HINFP: variants seen among roughly 807,000 people sequenced by gnomAD.
The protein encoded by HINFP is histone H4 transcription factor, also known as MBD2 (methyl-CpG-binding protein)-interacting zinc finger protein.
Under a neutral mutation model 50.1 loss-of-function variants are expected in HINFP, and 20 were observed. That is an observed-to-expected ratio of 0.40 (90% confidence interval 0.28 to 0.58). The LOEUF is 0.58. Among genes scored for constraint, HINFP ranks in the 20% least tolerant of loss-of-function variants. The pLI is 0.45. For synonymous variants in HINFP, 247 were observed against 243.7 expected (o/e 1.01, Z -0.13); for missense variants, 505 against 664.1 (o/e 0.76, Z 2.63).
intron 1 of HINFP, among the ~76,000 whole-genome samples, chr11:119,122,787 G>T (rs1364763159): frequency 6.6e-6 from 1 of 152,116 alleles, no homozygotes; most frequent in African/African-American, 2.4e-5. Flanking sequence ...TGGGAAGGGG[G>T]TCATCAAAGA....
intron 1 of HINFP, chr11:119,124,902 G>T (rs1947298927): frequency 6.6e-6 from 1 of 151,988 alleles, no homozygotes; most frequent in South Asian, 2.1e-4. Context: ...AACCCGGCAG[G>T]TGGAGGTTGC....
At chr11:119,127,828 A>G (rs1016815653) in intron 2 of HINFP, among the ~76,000 whole-genome samples, 1 of 148,962 alleles carries the variant, frequency 6.7e-6, no homozygotes, top group Non-Finnish European at 1.5e-5. Flanking sequence ...GGCTTGTGCC[A>G]CCAAGTCCAA....
intron 1 of HINFP, among the ~76,000 whole-genome samples, chr11:119,123,150 A>AAAAAC (rs1947179019): frequency 1.3e-5 from 2 of 151,318 alleles, no homozygotes; most frequent in Non-Finnish European, 2.9e-5. Context: ...AAAAAAAAAA[A>AAAAAC]AGAACTTGCG....
At position 119,134,204 on chromosome 11, in the gene HINFP, C is replaced by T. The variant is rs1403886271; in HGVS notation, c.1260C>T (p.Asn420=). 5 of 1,614,138 alleles carry T rather than the reference C, an allele frequency of 3.1e-6. No homozygotes were observed. The highest frequency in any genetic ancestry group is 3.4e-6 in the Non-Finnish European group (4 of 1,180,046). The change falls in exon 10 of 10, where the codon AAC becomes AAT. Residue 420 remains asparagine, a synonymous_variant. Transcript: ENST00000350777. This position sits in a 1 kb window ranked among gnomAD's most constrained non-coding sequence, Gnocchi z 4.3. Reference sequence around the variant, plus strand: ...GATCGGGCCTGGGAACGTCGCTGAACGAGAGCAGCCTGCAGGGCATTATTC... The same window carrying T: ...GATCGGGCCTGGGAACGTCGCTGAATGAGAGCAGCCTGCAGGGCATTATTC... ...QEGSGLGTSL[N]ESSLQGIILE... is the part of the protein sequence containing the mutation.
chr11:119,133,407 C>T (rs576884686), intron 9 of HINFP, 188 bp downstream of exon 9: 53 of 603,572 alleles, frequency 8.8e-5, no homozygotes, highest in East Asian at 1.6e-4. Flanking sequence ...GGTGAAACCC[C>T]GTCTCTACTA....
chr11:119,132,441 T>C, intron 5 of HINFP, 55 bp from the exon 6 acceptor site: 1 of 1,583,620 alleles, frequency 6.3e-7, no homozygotes, highest in Non-Finnish European at 8.7e-7. Context: ...CTCTCCTTTC[T>C]GTGCCTCTCC....
In HINFP at chr11:119,130,706, T is replaced by C; in HGVS notation, c.182-19T>C. On this transcript the variant is annotated intron_variant, in intron 2 of 9. Coordinates refer to ENST00000350777, the MANE Select transcript of HINFP (RefSeq NM_198971.3). Reference sequence around the variant, plus strand: ...CCTTGGAAAGTGTCAGACTCTTCCTTTTAAACCCCTTTCTACAGAGGAAGA... The same window carrying C: ...CCTTGGAAAGTGTCAGACTCTTCCTCTTAAACCCCTTTCTACAGAGGAAGA... 1 of 1,609,338 alleles carries C rather than the reference T, an allele frequency of 6.2e-7. No homozygotes were observed. The highest frequency in any genetic ancestry group is 8.5e-7 in the Non-Finnish European group (1 of 1,175,700).
rs1947704291 is a variant in HINFP at position 119,130,719 on chromosome 11, C to T, written c.182-6C>T. 1 of 1,613,352 alleles carries T rather than the reference C, an allele frequency of 6.2e-7. No homozygotes were observed. The highest frequency in any genetic ancestry group is 1.3e-5 in the African/African-American group (1 of 74,912). Reference sequence around the variant, plus strand: ...CAGACTCTTCCTTTTAAACCCCTTTCTACAGAGGAAGAATTCTCCTGCTTG... The same window carrying T: ...CAGACTCTTCCTTTTAAACCCCTTTTTACAGAGGAAGAATTCTCCTGCTTG... On this transcript the variant is annotated splice_polypyrimidine_tract_variant and splice_region_variant and intron_variant, in intron 2 of 9. Transcript: ENST00000350777.
chr11:119,126,962 A>G lies in HINFP; in HGVS notation c.18A>G (p.Lys6=), dbSNP rs1329269655. 3 of 1,613,366 alleles carry G rather than the reference A, an allele frequency of 1.9e-6. No homozygotes were observed. Among genetic ancestry groups the G allele is most frequent in the South Asian group, 1.1e-5 (1 of 90,932 alleles). The change falls in exon 2 of 10, where the codon AAA becomes AAG. Residue 6 remains lysine (K), a synonymous_variant. Transcript: ENST00000350777. The part of the protein sequence containing the change: MPPPG[K]VPRKENLWLQ... ...TGAAGGCCATGCCGCCTCCTGGGAA[A>G]GTTCCCCGAAAGGAGAATCTGTGGC... is the stretch of plus-strand genomic sequence containing the variant.
chr11:119,129,110 G>C lies in HINFP; in HGVS notation c.182-1615G>C, dbSNP rs534963219. Among the ~76,000 whole-genome samples, 155 of 151,604 alleles carry C rather than the reference G, an allele frequency of 1.0e-3. 4 individuals carry two copies. In the South Asian group the frequency reaches 0.032, roughly 31 times the overall value. On this transcript the variant is annotated intron_variant, in intron 2 of 9. Transcript: ENST00000350777. ...GGCTAGAGTGCAATGGCATGATCTCGGCTAATTGCAACCTCCGCCTCCCGG... is the reference window on the plus strand; with the variant it reads ...GGCTAGAGTGCAATGGCATGATCTCCGCTAATTGCAACCTCCGCCTCCCGG...
At chr11:119,122,676 ACTCCTAGT>A (rs1237500257) in intron 1 of HINFP, among the ~76,000 whole-genome samples, 3 of 151,922 alleles carry the variant, frequency 2.0e-5, no homozygotes, top group African/African-American at 7.3e-5. Flanking sequence ...GTCCTGAGAA[ACTCCTAGT>A]CTAGGGGAAA....
intron 2 of HINFP, among the ~76,000 whole-genome samples, chr11:119,128,518 C>T (rs925479892): frequency 4.6e-5 from 7 of 150,938 alleles, no homozygotes; most frequent in African/African-American, 1.5e-4. Context: ...CCATGTTAGC[C>T]AGGATGCCCC....
At position 119,133,099 on chromosome 11, in the gene HINFP, ACT is replaced by A. The variant is rs751227777; in HGVS notation, c.1022_1023del (p.Ser341Ter). 1.2e-6 allele frequency: 2 copies of A among 1,613,872 alleles called. No individual in the cohort carries two copies. Among genetic ancestry groups the A allele is most frequent in the African/African-American group, 1.3e-5 (1 of 74,852 alleles). On this transcript the variant is annotated frameshift_variant, in exon 9 of 10. Coordinates refer to ENST00000350777, the MANE Select transcript of HINFP (RefSeq NM_198971.3). LOFTEE classifies it high-confidence loss of function. ...TCTCCCTTCCTTCCCCATCAGGGAGACTCTGAGCCAAGGTACAAATGTCATGT... is the reference window on the plus strand; with the variant it reads ...TCTCCCTTCCTTCCCCATCAGGGAGACTGAGCCAAGGTACAAATGTCATGT...
intron 7 of HINFP, 24 bp from the exon 8 acceptor site, chr11:119,132,840 A>G (rs950851384): frequency 2.2e-5 from 36 of 1,614,066 alleles, no homozygotes; most frequent in Non-Finnish European, 3.1e-5. Context: ...ATGTCCTCCA[A>G]TCCCTCCTGA....
chr11:119,128,755 G>A (rs570234103), intron 2 of HINFP, among the ~76,000 whole-genome samples: 1 of 151,292 alleles, frequency 6.6e-6, no homozygotes, highest in East Asian at 2.0e-4. Context: ...CTGGAGTGTG[G>A]TGGTGCGATC....
At chr11:119,128,927 CTAT>C (rs1315305572) in intron 2 of HINFP, among the ~76,000 whole-genome samples, 1 of 151,452 alleles carries the variant, frequency 6.6e-6, no homozygotes, top group Admixed American at 6.6e-5. Context: ...GGGATAGGCA[CTAT>C]TATTATACCC....
chr11:119,127,857 ATTTTTTT>A (rs1019976154), intron 2 of HINFP, among the ~76,000 whole-genome samples: 2 of 137,564 alleles, frequency 1.5e-5, no homozygotes, highest in African/African-American at 5.3e-5. Flanking sequence ...CCACCTTCCA[ATTTTTTT>A]TTTTTTTTTT....
In HINFP at chr11:119,131,242, C is replaced by T. The variant is rs1366495210; in HGVS notation, c.411+288C>T. ...TAGCTAGGACTACAGGCATGTACCA[C>T]CATGCCCTGCTAACTTCTAAATTTT... is the stretch of plus-strand genomic sequence containing the variant. On this transcript the variant is annotated intron_variant, in intron 3 of 9. Transcript: ENST00000350777. The surrounding 1 kb of genome is among the most constrained non-coding windows in gnomAD (Gnocchi z 4.2). The T allele has an allele frequency of 8.4e-6, 5 of 594,678 alleles. No individual in the cohort carries two copies. The highest frequency in any genetic ancestry group is 7.0e-5 in the South Asian group (4 of 57,278). 36.8% of individuals were successfully genotyped at this position (594,678 alleles called of 1,614,324 possible).
At chr11:119,133,931 T>C (rs1947922006) in intron 9 of HINFP, 153 bp from the exon 10 acceptor site, 1 of 952,978 alleles carries the variant, frequency 1.0e-6, no homozygotes, top group South Asian at 1.6e-5. Flanking sequence ...TTCTTCTACA[T>C]ATTCCAATAA....
Sources: allele counts gnomAD v4.1 joint callset (sites outside exome capture counted in the v4.1 genomes callset), GRCh38; gene constraint gnomAD v4.1.1; non-coding constraint Gnocchi (gnomAD v3.1); transcripts MANE v1.5; gene names NCBI Gene and HGNC (gene_info 2026-07-23, HGNC 2026-07-21).